RBFOX1: variants seen among roughly 807,000 people sequenced by gnomAD.
RBFOX1 encodes RNA binding protein fox-1 homolog 1.
A neutral mutation model predicts 57.7 loss-of-function variants in RBFOX1; 8 were observed. That is an observed-to-expected ratio of 0.14 (90% confidence interval 0.08 to 0.25). The LOEUF is 0.25. Among genes scored for constraint, RBFOX1 ranks in the 10% least tolerant of loss-of-function variants. The pLI is 1.00. For missense variants in RBFOX1, 611 were observed against 548.5 expected (o/e 1.11, Z -1.14); for synonymous variants, 326 against 222.4 (o/e 1.47, Z -4.15).
At chr16:6,404,537 C>G (rs1426383424) in intron 2 of RBFOX1, among the ~76,000 whole-genome samples, 2 of 152,168 alleles carry the variant, frequency 1.3e-5, no homozygotes, top group Non-Finnish European at 2.9e-5. Flanking sequence ...GTGTTCTCTA[C>G]TCTAATATTT....
chr16:5,672,993 C>T (rs4786748), intron 3 of RBFOX1, among the ~76,000 whole-genome samples: 146,160 of 151,876 alleles, frequency 0.96, 70,351 homozygotes, highest in East Asian at 1. Flanking sequence ...TGCTCAGAAA[C>T]GTGCTTGGCT....
At chr16:7,408,723 G>T (rs941024225) in intron 4 of RBFOX1, among the ~76,000 whole-genome samples, 8 of 152,172 alleles carry the variant, frequency 5.3e-5, no homozygotes, top group African/African-American at 1.7e-4. Context: ...CCCATGCATT[G>T]TAGGATATTG....
At chr16:7,113,180 C>T (rs1026727833) in intron 4 of RBFOX1, among the ~76,000 whole-genome samples, 1 of 152,130 alleles carries the variant, frequency 6.6e-6, no homozygotes, top group Non-Finnish European at 1.5e-5. Flanking sequence ...TACACAGATA[C>T]ATAAATACAT....
intron 3 of RBFOX1, among the ~76,000 whole-genome samples, chr16:7,037,464 C>T (rs1246806551): frequency 6.6e-6 from 1 of 151,988 alleles, no homozygotes; most frequent in African/African-American, 2.4e-5. Flanking sequence ...GTTCATAAAC[C>T]TCTGACAATT....
chr16:6,049,452 C>T (rs1248052393), intron 1 of RBFOX1, among the ~76,000 whole-genome samples: 1 of 152,180 alleles, frequency 6.6e-6, no homozygotes, highest in Non-Finnish European at 1.5e-5. Context: ...TCTTACTTTA[C>T]ATATGCCCTG....
rs998526241 is a variant in RBFOX1, at chr16:6,422,699, C to A, written c.-64+105642C>A. Among the ~76,000 whole-genome samples the A allele has an allele frequency of 2.6e-5, 4 of 152,206 alleles. No individual in the cohort carries two copies. The South Asian group carries it at 8.3e-4, about 32-fold the overall frequency. Reference sequence around the variant, plus strand: ...GCGGCGCTGAACGCTTTTAAACAACCGGATCTCAGGGGAACTCTTTCACTA... The same window carrying A: ...GCGGCGCTGAACGCTTTTAAACAACAGGATCTCAGGGGAACTCTTTCACTA... On this transcript the variant is annotated intron_variant, in intron 2 of 15. Coordinates refer to ENST00000550418, the MANE Select transcript of RBFOX1 (RefSeq NM_018723.4).
chr16:6,519,093 A>C (rs76175647), intron 2 of RBFOX1, among the ~76,000 whole-genome samples: 1 of 151,880 alleles, frequency 6.6e-6, no homozygotes, highest in Non-Finnish European at 1.5e-5. Context: ...CGTATGCACA[A>C]AGTGGAAAGG....
chr16:6,200,311 C>T (rs1007693035), intron 1 of RBFOX1, among the ~76,000 whole-genome samples: 2 of 152,082 alleles, frequency 1.3e-5, no homozygotes, highest in South Asian at 2.1e-4. Context: ...TTTTGTTCAA[C>T]GCTTTTCATT....
intron 2 of RBFOX1, among the ~76,000 whole-genome samples, chr16:5,573,528 G>GAA: frequency 6.6e-6 from 1 of 152,158 alleles, no homozygotes; most frequent in Non-Finnish European, 1.5e-5. Context: ...ACTTTGAGAG[G>GAA]TTCAGCTCCA....
At chr16:7,533,979 G>A (rs972436478) in intron 5 of RBFOX1, among the ~76,000 whole-genome samples, 2 of 151,970 alleles carry the variant, frequency 1.3e-5, no homozygotes, top group Admixed American at 6.6e-5. Flanking sequence ...AAGGAAAAGA[G>A]ACTCTAAACG....
At chr16:6,606,053 G>A (rs1016695292) in intron 2 of RBFOX1, among the ~76,000 whole-genome samples, 17 of 152,154 alleles carry the variant, frequency 1.1e-4, no homozygotes, top group African/African-American at 3.4e-4. Context: ...AGGTTGCAAT[G>A]AGCCGAGATC....
chr16:6,044,500 A>G (rs1461927886), intron 1 of RBFOX1, among the ~76,000 whole-genome samples: 2 of 151,956 alleles, frequency 1.3e-5, no homozygotes, highest in African/African-American at 4.8e-5. Context: ...AAAAAAAAAA[A>G]AAAAATTCAA....
chr16:7,071,121 C>G (rs534503256), intron 4 of RBFOX1, among the ~76,000 whole-genome samples: 1 of 152,268 alleles, frequency 6.6e-6, no homozygotes, highest in East Asian at 1.9e-4. Context: ...ATTACAATTT[C>G]TTCACAAGTG....
At chr16:5,676,995 G>A (rs1228403356) in intron 3 of RBFOX1, among the ~76,000 whole-genome samples, 1 of 152,252 alleles carries the variant, frequency 6.6e-6, no homozygotes, top group Non-Finnish European at 1.5e-5. Context: ...ACAAACAGGT[G>A]TGAAGTAAAT....
intron 2 of RBFOX1, among the ~76,000 whole-genome samples, chr16:6,591,654 G>C (rs76673293): frequency 6.6e-6 from 1 of 152,164 alleles, no homozygotes; most frequent in African/African-American, 2.4e-5. Context: ...AGTCTTAGCT[G>C]TTGTGACACG....
At chr16:6,042,864 C>G (rs58797022) in intron 1 of RBFOX1, among the ~76,000 whole-genome samples, 1 of 152,048 alleles carries the variant, frequency 6.6e-6, no homozygotes, top group Non-Finnish European at 1.5e-5. Context: ...CAAAGATTTT[C>G]TGATTGACAG....
chr16:6,952,688 C>T (rs781566719), intron 3 of RBFOX1, among the ~76,000 whole-genome samples: 6 of 151,856 alleles, frequency 4.0e-5, no homozygotes, highest in Non-Finnish European at 8.8e-5. Flanking sequence ...AAAAATTATC[C>T]TTGGTAGGGC....
intron 2 of RBFOX1, among the ~76,000 whole-genome samples, chr16:6,402,548 T>TA (rs1244170081): frequency 6.6e-6 from 1 of 152,188 alleles, no homozygotes; most frequent in Non-Finnish European, 1.5e-5. Flanking sequence ...GAAAGCAAAG[T>TA]ACTGCTTTCT....
intron 1 of RBFOX1, among the ~76,000 whole-genome samples, chr16:5,405,904 G>T (rs761620535): frequency 2.6e-5 from 4 of 152,140 alleles, no homozygotes; most frequent in Non-Finnish European, 5.9e-5. Flanking sequence ...CTCCCCACAG[G>T]CTGAGGACAG....
Sources: gnomAD v4.1 joint callset for allele counts (sites outside exome capture counted in the v4.1 genomes callset) on GRCh38, gnomAD v4.1.1 for gene constraint, MANE v1.5 for transcripts, NCBI Gene and HGNC (gene_info 2026-07-23, HGNC 2026-07-21) for gene names.